Variants in GPM6A observed in about 807,000 individuals in gnomAD.
The protein encoded by GPM6A is glycoprotein M6A.
GPM6A carries 7 observed loss-of-function variants against 32.1 expected under a neutral mutation model. The observed-to-expected ratio is 0.22, with a 90% CI of 0.12 to 0.41. The LOEUF (loss-of-function observed/expected upper bound fraction) is 0.41. Among genes scored for constraint, GPM6A ranks in the 10% least tolerant of loss-of-function variants. The pLI, the probability that GPM6A is intolerant of heterozygous loss-of-function variation, is 1.00. For synonymous variants in GPM6A, 130 were observed against 123.4 expected, an observed-to-expected ratio of 1.05 and a Z score of -0.35; for missense variants, 235 against 347.2, an observed-to-expected ratio of 0.68 and a Z score of 2.57.
chr4:175,914,561 G>T (rs1300673513), intron 1 of GPM6A, among the ~76,000 whole-genome samples: 1 of 152,202 alleles, frequency 6.6e-6, no homozygotes, highest in East Asian at 1.9e-4. Context: ...GATCTCAAGT[G>T]ATCTGCCCGC....
chr4:175,953,360 C>T (rs1162738404), intron 1 of GPM6A, among the ~76,000 whole-genome samples: 1 of 152,002 alleles, frequency 6.6e-6, no homozygotes, highest in Non-Finnish European at 1.5e-5. Flanking sequence ...AAAATGACTC[C>T]GGAAATAGCA....
At chr4:175,951,771 A>G (rs1579657857) in intron 1 of GPM6A, among the ~76,000 whole-genome samples, 2 of 152,174 alleles carry the variant, frequency 1.3e-5, no homozygotes, top group African/African-American at 4.8e-5. Flanking sequence ...GTTAATGCGG[A>G]GCGTGTTTGT....
chr4:175,640,632 A>G (rs1280196402), intron 5 of GPM6A, 121 bp downstream of exon 5: 1 of 708,046 alleles, frequency 1.4e-6, no homozygotes, highest in Non-Finnish European at 2.4e-6. Flanking sequence ...TACTTCAGGT[A>G]AAATTGCCTC....
intron 3 of GPM6A, among the ~76,000 whole-genome samples, chr4:175,673,444 C>T (rs948047026): frequency 6.6e-6 from 1 of 151,650 alleles, no homozygotes; most frequent in African/African-American, 2.4e-5. Context: ...AACAGTGTTG[C>T]TACCTCTAGA....
chr4:175,881,909 C>A (rs576207488), intron 1 of GPM6A, among the ~76,000 whole-genome samples: 4 of 151,972 alleles, frequency 2.6e-5, no homozygotes, highest in South Asian at 4.2e-4. Context: ...ATAATGGGTG[C>A]AGCACATCAA....
chr4:175,686,374 GA>G (rs1189419831), intron 2 of GPM6A, among the ~76,000 whole-genome samples: 1 of 152,190 alleles, frequency 6.6e-6, no homozygotes, highest in Non-Finnish European at 1.5e-5. Context: ...GCAAAGGAGT[GA>G]ATATTAACTT....
At chr4:175,720,923 A>G (rs1746083402) in intron 1 of GPM6A, among the ~76,000 whole-genome samples, 1 of 151,534 alleles carries the variant, frequency 6.6e-6, no homozygotes, top group Non-Finnish European at 1.5e-5. Flanking sequence ...AGGTGTGATG[A>G]AAAGACTATA....
rs892290554 is a variant in GPM6A, at chr4:175,849,682, T to G, written c.-22-37433A>C. Reference sequence around the variant, plus strand: ...ATATTTGCCAATCTTATAACTTTTATTTGATAAATATATATTGGAACTTAT... The same window carrying G: ...ATATTTGCCAATCTTATAACTTTTAGTTGATAAATATATATTGGAACTTAT... On this transcript the variant is annotated intron_variant, in intron 1 of 7. Coordinates refer to the GPM6A transcript ENST00000280187. Among the ~76,000 whole-genome samples the G allele has an allele frequency of 5.3e-5, 8 of 152,338 alleles. No individual in the cohort carries two copies. The East Asian group carries it at 1.5e-3, about 29-fold the overall frequency.
intron 4 of GPM6A, among the ~76,000 whole-genome samples, chr4:175,651,584 C>G (rs1741809240): frequency 6.6e-6 from 1 of 152,080 alleles, no homozygotes; most frequent in Non-Finnish European, 1.5e-5. Flanking sequence ...CTGTCAATAT[C>G]AGGTAATGTG....
At chr4:175,761,717 T>C (rs1374061898) in intron 1 of GPM6A, among the ~76,000 whole-genome samples, 1 of 151,950 alleles carries the variant, frequency 6.6e-6, no homozygotes, top group African/African-American at 2.4e-5. Flanking sequence ...ATAAAAATCA[T>C]AAAATCTAAA....
chr4:175,709,534 C>G (rs1464441018), intron 1 of GPM6A, among the ~76,000 whole-genome samples: 1 of 151,944 alleles, frequency 6.6e-6, no homozygotes, highest in Non-Finnish European at 1.5e-5. Flanking sequence ...TCCAGACCAG[C>G]CTGGCCAACA....
intron 1 of GPM6A, among the ~76,000 whole-genome samples, chr4:175,877,860 G>A (rs1010011293): frequency 7.9e-5 from 12 of 152,028 alleles, no homozygotes; most frequent in Admixed American, 5.2e-4. Context: ...TCTCCTCTAC[G>A]ACAAGGCAAG....
intron 2 of GPM6A, among the ~76,000 whole-genome samples, chr4:175,687,333 C>T (rs571579862): frequency 6.6e-5 from 10 of 152,192 alleles, no homozygotes; most frequent in Non-Finnish European, 1.2e-4. Context: ...TCCCCATATT[C>T]CCCAGGCCAC....
At chr4:175,734,857 GA>G (rs964481730) in intron 1 of GPM6A, among the ~76,000 whole-genome samples, 5 of 150,280 alleles carry the variant, frequency 3.3e-5, no homozygotes, top group Non-Finnish European at 7.4e-5. Flanking sequence ...TGGGCGACAA[GA>G]AAAAAAAATG....
chr4:175,692,141 TTC>T (rs1270198658), intron 2 of GPM6A, among the ~76,000 whole-genome samples: 108 of 152,272 alleles, frequency 7.1e-4, no homozygotes, highest in African/African-American at 2.4e-3. Context: ...TTTGTGGTAA[TTC>T]TTTTTTGCAG....
intron 2 of GPM6A, among the ~76,000 whole-genome samples, chr4:175,691,397 T>C (rs1158450163): frequency 1.3e-5 from 2 of 152,222 alleles, no homozygotes; most frequent in East Asian, 1.9e-4. Flanking sequence ...GTTTTACTAA[T>C]TGTAAAAGCA....
At position 175,799,671 on chromosome 4, in the gene GPM6A, C is replaced by CTTTTTTTTTTTTTT. The variant is rs374571140; in HGVS notation, c.37+12506_37+12519dup. Among the ~76,000 whole-genome samples, 49 of 122,068 alleles carry CTTTTTTTTTTTTTT rather than the reference C, an allele frequency of 4.0e-4. 3 individuals are homozygous for CTTTTTTTTTTTTTT. The highest frequency in any genetic ancestry group is 6.3e-4 in the Admixed American group (7 of 11,142). 80.1% of individuals were successfully genotyped at this position (122,068 alleles called of 152,430 possible). A position where few individuals can be genotyped will look rare whatever the true frequency, so the allele number is the denominator to read the frequency against. On this transcript the variant is annotated intron_variant, in intron 1 of 6. Transcript: ENST00000393658. ...TCACCCTAAAAGTAGCAAGTGTTTT[C>CTTTTTTTTTTTTTT]TTTTTTTTTTTTTTGAGACGGAGTC...
chr4:175,875,492 G>C (rs1276300299), intron 1 of GPM6A, among the ~76,000 whole-genome samples: 1 of 152,146 alleles, frequency 6.6e-6, no homozygotes, highest in Non-Finnish European at 1.5e-5. Flanking sequence ...GTGGCACTGA[G>C]AACCCATTTA....
intron 6 of GPM6A, among the ~76,000 whole-genome samples, chr4:175,639,237 A>G (rs1740995492): frequency 6.6e-6 from 1 of 152,196 alleles, no homozygotes; most frequent in Admixed American, 6.6e-5. Flanking sequence ...TAATTAGCAC[A>G]TTAGTATTTT....
Sources: gnomAD v4.1 joint callset for allele counts (sites outside exome capture counted in the v4.1 genomes callset) on GRCh38, gnomAD v4.1.1 for gene constraint, MANE v1.5 for transcripts, NCBI Gene and HGNC (gene_info 2026-07-23, HGNC 2026-07-21) for gene names.